The following GALNT11 variants were observed in gnomAD, a reference collection of about 807,000 sequenced individuals.
The protein encoded by GALNT11 is polypeptide N-acetylgalactosaminyltransferase 11.
In GALNT11, 47 loss-of-function variants were observed where a neutral mutation model predicts 72.7. The ratio of observed to expected loss-of-function variants is 0.65; its 90% CI spans 0.51 to 0.82. GALNT11 has a LOEUF of 0.82. GALNT11 is among the 40% of genes least tolerant of loss of function. GALNT11 has a pLI of 0.00. For synonymous variants in GALNT11, 270 were observed against 286.6 expected, an observed-to-expected ratio of 0.94 and a Z score of 0.58; for missense variants, 677 against 778.4, an observed-to-expected ratio of 0.87 and a Z score of 1.55.
At chr7:152,117,422 T>G (rs2129073586) in intron 9 of GALNT11, 47 bp downstream of exon 9, 1 of 1,585,796 alleles carries the variant, frequency 6.3e-7, no homozygotes, top group South Asian at 1.1e-5. Context: ...GCGTTTGATA[T>G]GAAAAGTTTT....
intron 2 of GALNT11, among the ~76,000 whole-genome samples, chr7:152,096,872 C>A (rs760049051): frequency 6.6e-6 from 1 of 152,130 alleles, no homozygotes; most frequent in Non-Finnish European, 1.5e-5. Flanking sequence ...CTGTCACCTG[C>A]GGTGGAGGGC....
chr7:152,118,057 A>G (rs972322703), intron 9 of GALNT11: 2 of 152,218 alleles, frequency 1.3e-5, no homozygotes, highest in African/African-American at 4.8e-5. Flanking sequence ...AGCAGTGTCA[A>G]CTCTCCCTCA....
intron 8 of GALNT11, among the ~76,000 whole-genome samples, chr7:152,114,394 G>A (rs1225936579): frequency 6.6e-6 from 1 of 152,102 alleles, no homozygotes; most frequent in Admixed American, 6.5e-5. Context: ...CATAAACTAT[G>A]TGGTCTTTTC....
At chr7:152,096,177 T>A (rs1439486519) in intron 2 of GALNT11, among the ~76,000 whole-genome samples, 3 of 152,208 alleles carry the variant, frequency 2.0e-5, no homozygotes, top group African/African-American at 4.8e-5. Flanking sequence ...TACTAAATAC[T>A]GTTAAGATGT....
In GALNT11 at chr7:152,118,717, G is replaced by A; in HGVS notation, c.1492G>A (p.Gly498Ser). 10 of 1,611,588 alleles carry A rather than the reference G, an allele frequency of 6.2e-6. 1 individual carries two copies. The highest frequency in any genetic ancestry group is 7.6e-6 in the Non-Finnish European group (9 of 1,179,054). The change falls in exon 10 of 12, where the codon GGC (glycine) becomes AGC (serine). Residue 498 changes from glycine (G) to serine (S), a missense_variant. Transcript: ENST00000430044. Reference sequence around the variant, plus strand: ...GACCAACAAATGCCTGGTGGCCCAGGGCCGCCCAAGTCAGAAGGGAGGTCT... The same window carrying A: ...GACCAACAAATGCCTGGTGGCCCAGAGCCGCCCAAGTCAGAAGGGAGGTCT... The part of the protein sequence containing the change: ...LQTNKCLVAQ[G>S]RPSQKGGLVV...
intron 6 of GALNT11, 152 bp from the exon 7 acceptor site, chr7:152,110,376 G>A (rs2088051217): frequency 1.5e-6 from 1 of 671,672 alleles, no homozygotes; most frequent in Non-Finnish European, 2.6e-6. Context: ...TGTATGGCCT[G>A]GCTCATTCTC....
At chr7:152,120,582 A>T in intron 10 of GALNT11, 1 of 420,616 alleles carries the variant, frequency 2.4e-6, no homozygotes, top group South Asian at 2.6e-5. Flanking sequence ...GAAAAGAGTT[A>T]ATTCAGTCAA....
rs6150397 is a variant in GALNT11 at position 152,113,712 on chromosome 7, C to CTTTT, written c.1233+353_1233+356dup. ...TGTGACGCCTGCAAAAGTTGGCTTT[C>CTTTT]TTTTTTTTTTTTTTTTTTTTTTTTT... On this transcript the variant is annotated intron_variant, in intron 8 of 11. Coordinates refer to ENST00000430044, the MANE Select transcript of GALNT11 (RefSeq NM_022087.4). 1.6e-3 allele frequency among the ~76,000 whole-genome samples: 158 copies of CTTTT among 96,974 alleles called. 22 individuals carry two copies. Among genetic ancestry groups the CTTTT allele is most frequent in the Non-Finnish European group, 2.0e-3 (97 of 49,502 alleles). 63.6% of individuals were successfully genotyped at this position (96,974 alleles called of 152,430 possible). A position where few individuals can be genotyped will look rare whatever the true frequency, so the allele number is the denominator to read the frequency against.
intron 1 of GALNT11, among the ~76,000 whole-genome samples, chr7:152,070,463 C>G (rs534687159): frequency 6.6e-6 from 1 of 150,628 alleles, no homozygotes; most frequent in Admixed American, 6.6e-5. Flanking sequence ...GGCTGTTTCA[C>G]TTTTTTGAGG....
intron 1 of GALNT11, among the ~76,000 whole-genome samples, chr7:152,084,134 TG>T (rs1439110971): frequency 6.6e-6 from 1 of 152,144 alleles, no homozygotes; most frequent in Non-Finnish European, 1.5e-5. Context: ...TTTTTGTTGT[TG>T]TTTTTTATTT....
intron 1 of GALNT11, among the ~76,000 whole-genome samples, chr7:152,058,891 A>G (rs1265432097): frequency 6.6e-6 from 1 of 152,082 alleles, no homozygotes. Flanking sequence ...TTGCACATCC[A>G]TATCTTCCGT....
At chr7:152,048,507 T>C (rs1272639359) in intron 1 of GALNT11, among the ~76,000 whole-genome samples, 1 of 151,858 alleles carries the variant, frequency 6.6e-6, no homozygotes, top group Non-Finnish European at 1.5e-5. Flanking sequence ...ACGTCCTCTT[T>C]AAGGTCAACA....
Position 152,094,553 on chromosome 7 carries a change from T to C in GALNT11, c.295+31T>C. 6.5e-7 allele frequency: 1 copy of C among 1,547,628 alleles called. No individual in the cohort carries two copies. Among genetic ancestry groups the C allele is most frequent in the Non-Finnish European group, 8.7e-7 (1 of 1,146,826 alleles). ...TATATGATGTTTACCAGCATCCATA[T>C]CAATGTATTTAATCACTGGAAGTTT... On this transcript the variant is annotated intron_variant, in intron 2 of 11. Coordinates refer to ENST00000430044, the MANE Select transcript of GALNT11 (RefSeq NM_022087.4). This position sits in a 1 kb window ranked among gnomAD's most constrained non-coding sequence, Gnocchi z 4.3.
At chr7:152,033,479 C>T (rs1057014771) in intron 1 of GALNT11, among the ~76,000 whole-genome samples, 2 of 152,204 alleles carry the variant, frequency 1.3e-5, no homozygotes, top group African/African-American at 4.8e-5. Context: ...TGTTCAGGGC[C>T]CAGGGCTTGC....
intron 1 of GALNT11, among the ~76,000 whole-genome samples, chr7:152,072,627 C>T (rs377380766): frequency 7.2e-5 from 11 of 151,790 alleles, no homozygotes; most frequent in African/African-American, 2.4e-4. Flanking sequence ...AGCCTCCTCC[C>T]TTATTTGGGA....
chr7:152,100,291 G>T (rs911171355), intron 2 of GALNT11, among the ~76,000 whole-genome samples: 1 of 151,880 alleles, frequency 6.6e-6, no homozygotes, highest in African/African-American at 2.4e-5. Context: ...TTTGTGGCCG[G>T]GCGTGGTGTC....
At chr7:152,026,964 T>C (rs1371970958) in intron 1 of GALNT11, among the ~76,000 whole-genome samples, 1 of 152,216 alleles carries the variant, frequency 6.6e-6, no homozygotes, top group Non-Finnish European at 1.5e-5. Context: ...AAAATTTTTT[T>C]ATTAGCCGGG....
intron 3 of GALNT11, among the ~76,000 whole-genome samples, chr7:152,101,831 A>T (rs2086942196): frequency 6.6e-6 from 1 of 151,910 alleles, no homozygotes; most frequent in Non-Finnish European, 1.5e-5. Context: ...ATAGGGTTTC[A>T]CCATGTTGGC....
intron 1 of GALNT11, among the ~76,000 whole-genome samples, chr7:152,073,121 CAT>C (rs2129012275): frequency 6.6e-6 from 1 of 152,284 alleles, no homozygotes; most frequent in African/African-American, 2.4e-5. Context: ...GCATATCCAT[CAT>C]CTCATACATT....
Sources: allele counts gnomAD v4.1 joint callset (sites outside exome capture counted in the v4.1 genomes callset), GRCh38; gene constraint gnomAD v4.1.1; non-coding constraint Gnocchi (gnomAD v3.1); transcripts MANE v1.5; gene names NCBI Gene and HGNC (gene_info 2026-07-23, HGNC 2026-07-21).